Variants in SHLD2 observed in about 807,000 individuals in gnomAD.
SHLD2 encodes the protein shieldin complex subunit 2, also known as RINN1-REV7-interacting novel NHEJ regulator 2.
In SHLD2, 30 loss-of-function variants were observed where a neutral mutation model predicts 73.2. That is an observed-to-expected ratio of 0.41 (90% CI 0.31 to 0.56). The LOEUF (loss-of-function observed/expected upper bound fraction) is 0.56. Among genes scored for constraint, SHLD2 ranks in the 20% least tolerant of loss-of-function variants. The pLI is 0.28. For synonymous variants in SHLD2, 285 were observed against 370.1 expected (o/e 0.77, Z 2.64); for missense variants, 745 against 1,055.9 (o/e 0.71, Z 4.08).
chr10:87,142,314 C>A (rs1845254085), intron 2 of SHLD2, among the ~76,000 whole-genome samples: 1 of 152,178 alleles, frequency 6.6e-6, no homozygotes, highest in Non-Finnish European at 1.5e-5. Flanking sequence ...TGTCATATGA[C>A]TCAATGGCAG....
intron 2 of SHLD2, among the ~76,000 whole-genome samples, chr10:87,109,361 C>T (rs188288544): frequency 2.0e-5 from 3 of 150,668 alleles, no homozygotes; most frequent in Non-Finnish European, 2.9e-5. Context: ...TGCAATGGCT[C>T]GATCTCGGCT....
At chr10:87,165,490 G>A (rs1024284360) in intron 4 of SHLD2, among the ~76,000 whole-genome samples, 1 of 152,120 alleles carries the variant, frequency 6.6e-6, no homozygotes, top group African/African-American at 2.4e-5. Context: ...CATTGAGAAG[G>A]ATCCACCATA....
intron 2 of SHLD2, among the ~76,000 whole-genome samples, chr10:87,105,412 G>C (rs1842533766): frequency 6.6e-6 from 1 of 152,208 alleles, no homozygotes; most frequent in South Asian, 2.1e-4. Flanking sequence ...CTTAATGAAA[G>C]ACATGTCAAT....
In SHLD2 at chr10:87,158,145, G is replaced by T; in HGVS notation, c.1623G>T (p.Gln541His). 1.2e-6 allele frequency: 2 copies of T among 1,610,778 alleles called. No individual in the cohort carries two copies. Among genetic ancestry groups the T allele is most frequent in the Non-Finnish European group, 1.7e-6 (2 of 1,179,222 alleles). The part of the protein sequence containing the change: ...LLNLGSYSSI[Q>H]PEEYSSVVSE... ...ATCTTGGGAGTTATTCATCTATTCA[G>T]CCTGAAGAATGTAAGGCACATTTTA... The change falls in exon 4 of 10, where the codon CAG (glutamine) becomes CAT (histidine). Residue 541 changes from glutamine to histidine, a missense_variant. Gln to His is a conservative substitution (Grantham distance 24). Around this residue, in one of 5 missense-constraint regions of SHLD2, gnomAD observed 418 missense variants for 567.8 expected, o/e 0.74. Transcript: ENST00000298786.
chr10:87,110,683 A>G (rs1842866129), intron 2 of SHLD2, among the ~76,000 whole-genome samples: 1 of 152,126 alleles, frequency 6.6e-6, no homozygotes, highest in Non-Finnish European at 1.5e-5. Context: ...TTCAAGAATT[A>G]TCATTTTAAT....
At chr10:87,123,458 G>C (rs1262582052) in intron 2 of SHLD2, among the ~76,000 whole-genome samples, 4 of 151,714 alleles carry the variant, frequency 2.6e-5, no homozygotes, top group Non-Finnish European at 2.9e-5. Flanking sequence ...TGCATGCCTC[G>C]CTAAGTTTTG....
chr10:87,147,184 C>G (rs1845688452), intron 2 of SHLD2, among the ~76,000 whole-genome samples: 1 of 150,264 alleles, frequency 6.7e-6, no homozygotes, highest in African/African-American at 2.5e-5. Context: ...CATGTTGATT[C>G]TACTGTGATC....
At chr10:87,105,824 A>G (rs1842559930) in intron 2 of SHLD2, among the ~76,000 whole-genome samples, 1 of 152,214 alleles carries the variant, frequency 6.6e-6, no homozygotes, top group South Asian at 2.1e-4. Flanking sequence ...AACCTTTTCC[A>G]AAGGCCTGCC....
In SHLD2 at chr10:87,187,108, A is replaced by G. The variant is rs1252083353; in HGVS notation, c.2423A>G (p.Asp808Gly). The G allele has an allele frequency of 1.9e-6, 3 of 1,613,110 alleles. No homozygotes were observed. Among genetic ancestry groups the G allele is most frequent in the Non-Finnish European group, 2.5e-6 (3 of 1,179,230 alleles). Residue 808 changes from aspartate (D) to glycine (G), a missense_variant, in exon 9 of 10, where the codon GAT becomes GGT. Coordinates refer to ENST00000298786, the MANE Select transcript of SHLD2 (RefSeq NM_001330112.2). ...AGGCCAGCGTTAATGACTGCCATTG[A>G]TGGAAGACATGATGTTTGTATCCGT... The part of the protein sequence containing the change: ...YYRPALMTAI[D>G]GRHDVCIRVE...
At chr10:87,142,046 AT>A (rs1429644781) in intron 2 of SHLD2, among the ~76,000 whole-genome samples, 2 of 110,156 alleles carry the variant, frequency 1.8e-5, no homozygotes, top group Admixed American at 1.2e-4. Flanking sequence ...AAAAAAAAAT[AT>A]ATCAAATTGT....
At chr10:87,166,428 G>T (rs545022382) in intron 4 of SHLD2, among the ~76,000 whole-genome samples, 1 of 151,978 alleles carries the variant, frequency 6.6e-6, no homozygotes, top group African/African-American at 2.4e-5. Context: ...ATGTAACAAA[G>T]TATGTGCAAG....
chr10:87,112,397 C>T (rs1270555596), intron 2 of SHLD2, among the ~76,000 whole-genome samples: 1 of 152,050 alleles, frequency 6.6e-6, no homozygotes, highest in East Asian at 1.9e-4. Flanking sequence ...GGTGTAGTGG[C>T]TCATTGCCTA....
intron 4 of SHLD2, among the ~76,000 whole-genome samples, chr10:87,162,742 T>C (rs1012302472): frequency 6.6e-6 from 1 of 152,130 alleles, no homozygotes; most frequent in Non-Finnish European, 1.5e-5. Context: ...CTATCAAATA[T>C]AACTTATTAG....
chr10:87,151,915 T>A lies in SHLD2; in HGVS notation c.561T>A (p.Ile187=). The change falls in exon 3 of 10, where the codon ATT becomes ATA. Residue 187 remains isoleucine (I), a synonymous_variant. Transcript: ENST00000298786. ...ATTTGGTTTGTAGTACTGAAAAAAT[T>A]AATATAGGGCCTGAAGTGGTACAAA... The part of the protein sequence containing the change: ...VLDLVCSTEK[I]NIGPEVVQRE... 6.2e-7 allele frequency: 1 copy of A among 1,611,178 alleles called. No individual in the cohort carries two copies. Among genetic ancestry groups the A allele is most frequent in the Non-Finnish European group, 8.5e-7 (1 of 1,179,328 alleles).
chr10:87,167,545 A>G (rs977592883), intron 4 of SHLD2, among the ~76,000 whole-genome samples: 1 of 152,146 alleles, frequency 6.6e-6, no homozygotes, highest in Non-Finnish European at 1.5e-5. Context: ...TGATCAATAT[A>G]TTGTGTTTTT....
intron 8 of SHLD2, among the ~76,000 whole-genome samples, chr10:87,180,697 G>A (rs1316768094): frequency 1.3e-5 from 2 of 152,160 alleles, no homozygotes; most frequent in Non-Finnish European, 2.9e-5. Context: ...AGACATTTAA[G>A]GTGTTTTCCC....
chr10:87,113,204 A>T (rs530664343), intron 2 of SHLD2, among the ~76,000 whole-genome samples: 1 of 152,254 alleles, frequency 6.6e-6, no homozygotes, highest in East Asian at 1.9e-4. Flanking sequence ...CATGCCTGTA[A>T]TTCCAGCTAC....
chr10:87,146,830 G>T (rs1430670729), intron 2 of SHLD2, among the ~76,000 whole-genome samples: 2 of 151,776 alleles, frequency 1.3e-5, no homozygotes, highest in Non-Finnish European at 2.9e-5. Context: ...GCCGAAGCAG[G>T]CGGATCAGCT....
intron 6 of SHLD2, among the ~76,000 whole-genome samples, chr10:87,172,356 T>G (rs1270119910): frequency 6.6e-6 from 1 of 152,166 alleles, no homozygotes; most frequent in Admixed American, 6.5e-5. Flanking sequence ...AGAGTAAATT[T>G]GATTCAAAAA....
Sources: gnomAD v4.1 joint callset for allele counts (sites outside exome capture counted in the v4.1 genomes callset) on GRCh38, gnomAD v4.1.1 for gene constraint, gnomAD v4.1.1 regional missense constraint, MANE v1.5 for transcripts, NCBI Gene and HGNC (gene_info 2026-07-23, HGNC 2026-07-21) for gene names.